NTNG2: variants seen among roughly 807,000 people sequenced by gnomAD.
NTNG2 encodes netrin G2.
Under a neutral mutation model 47.6 loss-of-function variants are expected in NTNG2, and 15 were observed. The observed-to-expected ratio is 0.32, with a 90% confidence interval of 0.21 to 0.49. The LOEUF is 0.49. Among genes scored for constraint, NTNG2 ranks in the 20% least tolerant of loss-of-function variants. The pLI is 0.99. For missense variants in NTNG2, 578 were observed against 764.6 expected (o/e 0.76, Z 2.88); for synonymous variants, 307 against 324.6 (o/e 0.95, Z 0.58).
chr9:132,190,258 AAAAG>A (rs1837779010), intron 2 of NTNG2, among the ~76,000 whole-genome samples: 1 of 135,044 alleles, frequency 7.4e-6, no homozygotes, highest in Non-Finnish European at 1.6e-5. Flanking sequence ...AAAAAAAAAA[AAAAG>A]AAGGTTTTAG....
At position 132,171,853 on chromosome 9, in the gene NTNG2, C is replaced by G. The variant is rs145691736; in HGVS notation, c.213+4809C>G. On this transcript the variant is annotated intron_variant, in intron 2 of 7. Transcript: ENST00000393229. ...GCCCGATGGCTCTGGCCTCCTTCCC[C>G]CTCTGTGTTTCTGGCCCCAGCCTCC... Among the ~76,000 whole-genome samples the G allele has an allele frequency of 5.1e-3, 781 of 152,360 alleles. 6 individuals carry two copies. The highest frequency in any genetic ancestry group is 0.017 in the African/African-American group (715 of 41,576).
rs1195111138 is a variant in NTNG2, at chr9:132,231,459, C to T, written c.1054+864C>T. On this transcript the variant is annotated intron_variant, in intron 5 of 7. Coordinates refer to ENST00000393229, the MANE Select transcript of NTNG2 (RefSeq NM_032536.4). This position sits in a 1 kb window ranked among gnomAD's most constrained non-coding sequence, Gnocchi z 4.1. ...GGGCTCTGTGGGGCCCCACATCCCA[C>T]CCAAGTTGTCCCTCCCGGACCCAGG... 3 of 391,806 alleles carry T rather than the reference C, an allele frequency of 7.7e-6. No individual in the cohort carries two copies. Among genetic ancestry groups the T allele is most frequent in the Admixed American group, 6.2e-5 (2 of 32,324 alleles). 24.3% of individuals were successfully genotyped at this position (391,806 alleles called of 1,614,324 possible).
chr9:132,219,588 AG>A (rs56344538), intron 3 of NTNG2, among the ~76,000 whole-genome samples: 12,425 of 137,966 alleles, frequency 0.09, 1,192 homozygotes, highest in African/African-American at 0.25. Flanking sequence ...AAAAAAAAAA[AG>A]AAAGAAAGAA....
chr9:132,203,846 G>A (rs1838968370), intron 3 of NTNG2, among the ~76,000 whole-genome samples: 1 of 152,160 alleles, frequency 6.6e-6, no homozygotes, highest in Admixed American at 6.5e-5. Context: ...AAGTTCCTCT[G>A]CCCAGAAAAC....
chr9:132,183,795 C>T (rs959251517), intron 2 of NTNG2, among the ~76,000 whole-genome samples: 2 of 152,182 alleles, frequency 1.3e-5, no homozygotes, highest in African/African-American at 4.8e-5. Context: ...CCTCTCAAAC[C>T]TGGCCACACA....
At chr9:132,199,417 G>C (rs1464937697) in intron 3 of NTNG2, among the ~76,000 whole-genome samples, 1 of 152,214 alleles carries the variant, frequency 6.6e-6, no homozygotes, top group Non-Finnish European at 1.5e-5. Context: ...ACAGGGCTGG[G>C]TCCAGGAGAT....
In NTNG2 at chr9:132,226,832, T is replaced by C. The variant is rs778580807; in HGVS notation, c.858-17T>C. 6.3e-7 allele frequency: 1 copy of C among 1,576,010 alleles called. No individual in the cohort carries two copies. The highest frequency in any genetic ancestry group is 1.8e-5 in the Admixed American group (1 of 55,496). The stretch of plus-strand genomic sequence containing the variant: ...CACAAGCTCTCTGACATCTCTGCCC[T>C]CTCGGTGTCTCCCCAGGTGCAAGTG... On this transcript the variant is annotated splice_polypyrimidine_tract_variant and intron_variant, in intron 3 of 7. Coordinates refer to ENST00000393229, the MANE Select transcript of NTNG2 (RefSeq NM_032536.4). This position sits in a 1 kb window ranked among gnomAD's most constrained non-coding sequence, Gnocchi z 4.8.
intron 3 of NTNG2, among the ~76,000 whole-genome samples, chr9:132,209,725 G>A (rs980638766): frequency 6.6e-6 from 1 of 152,056 alleles, no homozygotes; most frequent in African/African-American, 2.4e-5. Flanking sequence ...TTAAAAGAGT[G>A]AAATAGGGGT....
Position 132,197,856 on chromosome 9 carries a change from C to T in NTNG2, c.214-110C>T. 9.6e-7 allele frequency: 1 copy of T among 1,043,704 alleles called. No homozygotes were observed. 64.7% of individuals were successfully genotyped at this position (1,043,704 alleles called of 1,614,324 possible). A position where few individuals can be genotyped will look rare whatever the true frequency, so the allele number is the denominator to read the frequency against. On this transcript the variant is annotated intron_variant, in intron 2 of 7. Transcript: ENST00000393229. This position sits in a 1 kb window ranked among gnomAD's most constrained non-coding sequence, Gnocchi z 4.3. ...GGGCACCGGAGCACAGGCCCTGTAG[C>T]CACAGAGCAGGTTTCTCGGTTCGCA... is the stretch of plus-strand genomic sequence containing the variant.
At chr9:132,185,901 G>A (rs978583221) in intron 2 of NTNG2, among the ~76,000 whole-genome samples, 5 of 152,042 alleles carry the variant, frequency 3.3e-5, no homozygotes, top group South Asian at 4.2e-4. Context: ...AGGGAAAGGA[G>A]GAGGAGCAGC....
chr9:132,207,774 G>C (rs1219796952), intron 3 of NTNG2, among the ~76,000 whole-genome samples: 1 of 152,170 alleles, frequency 6.6e-6, no homozygotes, highest in Non-Finnish European at 1.5e-5. Context: ...AACAAACCCA[G>C]TACCCCCAAG....
At chr9:132,192,392 AC>A (rs1278604903) in intron 2 of NTNG2, among the ~76,000 whole-genome samples, 1 of 152,206 alleles carries the variant, frequency 6.6e-6, no homozygotes, top group Non-Finnish European at 1.5e-5. Flanking sequence ...GGAGTTCGAG[AC>A]CAGCCTTGCC....
At chr9:132,220,752 A>G (rs1460056205) in intron 3 of NTNG2, among the ~76,000 whole-genome samples, 1 of 152,050 alleles carries the variant, frequency 6.6e-6, no homozygotes, top group African/African-American at 2.4e-5. Flanking sequence ...CTGGCTCCCT[A>G]CGTTTCCATC....
intron 3 of NTNG2, among the ~76,000 whole-genome samples, chr9:132,222,947 C>T (rs191852455): frequency 2.6e-5 from 4 of 152,122 alleles, no homozygotes; most frequent in East Asian, 3.9e-4. Context: ...CCTATCTCCA[C>T]AAAAAATAAA....
At chr9:132,188,000 CCT>C (rs1277668272) in intron 2 of NTNG2, among the ~76,000 whole-genome samples, 1 of 152,240 alleles carries the variant, frequency 6.6e-6, no homozygotes, top group Non-Finnish European at 1.5e-5. Context: ...GGGGCAGTCC[CCT>C]GAGTCCTAAT....
intron 2 of NTNG2, among the ~76,000 whole-genome samples, chr9:132,186,880 G>A (rs1383478340): frequency 1.3e-5 from 2 of 152,282 alleles, no homozygotes; most frequent in Non-Finnish European, 2.9e-5. Flanking sequence ...GCTGTTGGGA[G>A]TGTGGCACAA....
intron 5 of NTNG2, chr9:132,233,718 G>A (rs1841416712): frequency 6.6e-6 from 1 of 152,222 alleles, no homozygotes; most frequent in African/African-American, 2.4e-5. Flanking sequence ...CTGAGGGTGA[G>A]TTCTCCTGGG....
In NTNG2 at chr9:132,162,176, C is replaced by A. The variant is rs1259679707; in HGVS notation, c.-547C>A. 1 of 152,692 alleles carries A rather than the reference C, an allele frequency of 6.5e-6. No individual in the cohort carries two copies. Among genetic ancestry groups the A allele is most frequent in the African/African-American group, 2.4e-5 (1 of 41,492 alleles). 9.5% of individuals were successfully genotyped at this position (152,692 alleles called of 1,614,324 possible). On this transcript the variant is annotated 5_prime_UTR_variant, in exon 1 of 8. Transcript: ENST00000393229. The surrounding 1 kb of genome is among the most constrained non-coding windows in gnomAD (Gnocchi z 4.6). ...CGCCAGCCCGAGGGGGGAGGCGCAG[C>A]GCCGGAGGGTGGCGGTCCTCGGCCC...
chr9:132,227,984 A>C (rs1245196527), intron 4 of NTNG2, among the ~76,000 whole-genome samples: 4 of 152,124 alleles, frequency 2.6e-5, no homozygotes, highest in African/African-American at 9.7e-5. Context: ...CTTCACCCTC[A>C]CACAGCCCCG....
Sources: gnomAD v4.1 joint callset for allele counts (sites outside exome capture counted in the v4.1 genomes callset) on GRCh38, gnomAD v4.1.1 for gene constraint, Gnocchi (gnomAD v3.1) non-coding constraint, MANE v1.5 for transcripts, NCBI Gene and HGNC (gene_info 2026-07-23, HGNC 2026-07-21) for gene names.